ST8SIA4: variants seen among roughly 807,000 people sequenced by gnomAD.
The protein encoded by ST8SIA4 is ST8 alpha-N-acetyl-neuraminide alpha-2,8-sialyltransferase 4.
In ST8SIA4, 15 loss-of-function variants were observed where a neutral mutation model predicts 33.9. The ratio of observed to expected loss-of-function variants is 0.44; its 90% CI spans 0.30 to 0.68. ST8SIA4 has a LOEUF of 0.68. Among genes scored for constraint, ST8SIA4 ranks in the 30% least tolerant of loss-of-function variants. ST8SIA4 has a pLI of 0.10. For synonymous variants in ST8SIA4, 171 were observed against 151.2 expected, an observed-to-expected ratio of 1.13 and a Z score of -0.96; for missense variants, 321 against 428.0, an observed-to-expected ratio of 0.75 and a Z score of 2.21.
At chr5:100,900,632 G>A (rs987799085) in intron 1 of ST8SIA4, among the ~76,000 whole-genome samples, 6 of 152,120 alleles carry the variant, frequency 3.9e-5, no homozygotes, top group Non-Finnish European at 8.8e-5. Context: ...AAGGCAGTCA[G>A]GACGCTACAG....
At position 100,837,991 on chromosome 5, in the gene ST8SIA4, A is replaced by G. The variant is rs1751397216; in HGVS notation, c.797+18112T>C. On this transcript the variant is annotated intron_variant, in intron 4 of 4. Transcript: ENST00000231461. ...TGAGAGTGTCTGAATCAATTACCAT[A>G]TATGTTTATACTTCATTCTACTCTC... is the stretch of plus-strand genomic sequence containing the variant. Among the ~76,000 whole-genome samples the G allele has an allele frequency of 2.6e-5, 4 of 152,034 alleles. 1 individual carries two copies. In the South Asian group the frequency reaches 8.3e-4, roughly 32 times the overall value.
chr5:100,878,884 A>G (rs544179138), intron 3 of ST8SIA4, among the ~76,000 whole-genome samples: 1 of 152,292 alleles, frequency 6.6e-6, no homozygotes, highest in African/African-American at 2.4e-5. Flanking sequence ...TTGTTGTAGA[A>G]TGTTGTAGAT....
At chr5:100,895,613 A>C in intron 2 of ST8SIA4, 41 bp downstream of exon 2, 1 of 1,586,120 alleles carries the variant, frequency 6.3e-7, no homozygotes. Flanking sequence ...GTATTTGAGA[A>C]CATGATGTGA....
At chr5:100,866,317 T>C (rs909957142) in intron 3 of ST8SIA4, among the ~76,000 whole-genome samples, 4 of 152,108 alleles carry the variant, frequency 2.6e-5, no homozygotes, top group African/African-American at 7.2e-5. Context: ...AGAAATAAGA[T>C]ATGTAAAATA....
Position 100,809,602 on chromosome 5 carries a change from G to T in ST8SIA4, c.*2245C>A, listed in dbSNP as rs915449863. 6.6e-6 allele frequency: 1 copy of T among 152,004 alleles called. No homozygotes were observed. Among genetic ancestry groups the T allele is most frequent in the African/African-American group, 2.4e-5 (1 of 41,382 alleles). The allele number at this position is 152,004 out of a possible 1,614,324, so 9.4% of individuals were successfully genotyped here. Reference sequence around the variant, plus strand: ...GCTTGTGACTTCTAGATTTCTGTTGGATTTAAACTAAAGGCTACTAGAATA... The same window carrying T: ...GCTTGTGACTTCTAGATTTCTGTTGTATTTAAACTAAAGGCTACTAGAATA... On this transcript the variant is annotated 3_prime_UTR_variant, in exon 5 of 5. Coordinates refer to ENST00000231461, the MANE Select transcript of ST8SIA4 (RefSeq NM_005668.6).
At chr5:100,858,955 G>A (rs994649880) in intron 3 of ST8SIA4, among the ~76,000 whole-genome samples, 2 of 152,012 alleles carry the variant, frequency 1.3e-5, no homozygotes, top group Non-Finnish European at 2.9e-5. Context: ...TTTTCCTGGG[G>A]AAGAATATAT....
At chr5:100,839,467 T>C (rs1751430924) in intron 4 of ST8SIA4, among the ~76,000 whole-genome samples, 1 of 151,956 alleles carries the variant, frequency 6.6e-6, no homozygotes, top group African/African-American at 2.4e-5. Context: ...AAAATAACCA[T>C]TGAAATCCTA....
Position 100,842,743 on chromosome 5 carries a change from T to C in ST8SIA4, c.797+13360A>G, listed in dbSNP as rs150803971. ...TTTGAATAAAATGCAGAATCAGAAC[T>C]TTAGCTGCAAGTAATGATTTTACTT... On this transcript the variant is annotated intron_variant, in intron 4 of 4. Transcript: ENST00000231461. Among the ~76,000 whole-genome samples the C allele has an allele frequency of 8.0e-3, 1,220 of 151,942 alleles. 8 individuals are homozygous for C. The highest frequency in any genetic ancestry group is 0.022 in the African/African-American group (930 of 41,530).
chr5:100,831,449 A>T (rs1190736889), intron 4 of ST8SIA4, among the ~76,000 whole-genome samples: 1 of 152,156 alleles, frequency 6.6e-6, no homozygotes, highest in Admixed American at 6.6e-5. Context: ...CAATTCTAAA[A>T]CTTCCCACCT....
intron 2 of ST8SIA4, among the ~76,000 whole-genome samples, chr5:100,888,011 T>A (rs1752578178): frequency 6.6e-6 from 1 of 151,900 alleles, no homozygotes; most frequent in Non-Finnish European, 1.5e-5. Flanking sequence ...TGCCTTCCCA[T>A]ATAAGTCCAT....
chr5:100,823,627 C>A (rs1305514061), intron 4 of ST8SIA4, among the ~76,000 whole-genome samples: 2 of 152,070 alleles, frequency 1.3e-5, no homozygotes, highest in Non-Finnish European at 2.9e-5. Flanking sequence ...AATTATACAA[C>A]CAGGAATTTA....
intron 4 of ST8SIA4, among the ~76,000 whole-genome samples, chr5:100,851,208 G>T (rs1043605583): frequency 6.6e-6 from 1 of 151,504 alleles, no homozygotes; most frequent in Non-Finnish European, 1.5e-5. Context: ...TGATCCACCC[G>T]CCTCGGCCTC....
chr5:100,837,030 A>ACACACACACACC (rs1491491812), intron 4 of ST8SIA4, among the ~76,000 whole-genome samples: 2 of 139,942 alleles, frequency 1.4e-5, no homozygotes, highest in African/African-American at 5.1e-5. Context: ...ACACACACAC[A>ACACACACACACC]CCGTAATACC....
chr5:100,860,137 C>A (rs1049846622), intron 3 of ST8SIA4, among the ~76,000 whole-genome samples: 6 of 152,132 alleles, frequency 3.9e-5, no homozygotes, highest in Non-Finnish European at 8.8e-5. Context: ...TCCTTTCACA[C>A]ACCCAACAGA....
In ST8SIA4 at chr5:100,885,613, A is replaced by C. The variant is rs913622386; in HGVS notation, c.503+730T>G. The C allele has an allele frequency of 2.1e-5, 20 of 934,076 alleles. No individual in the cohort carries two copies. In the African/African-American group the frequency reaches 3.4e-4, roughly 16 times the overall value. The allele number at this position is 934,076 out of a possible 1,614,324, so 57.9% of individuals were successfully genotyped here. Reference sequence around the variant, plus strand: ...TTTAGCTAATTTTTCTAAGGAACTAAAACAATCCAAAAAAACTGTACAGAT... The same window carrying C: ...TTTAGCTAATTTTTCTAAGGAACTACAACAATCCAAAAAAACTGTACAGAT... On this transcript the variant is annotated intron_variant, in intron 3 of 4. Coordinates refer to ENST00000231461, the MANE Select transcript of ST8SIA4 (RefSeq NM_005668.6).
At chr5:100,837,715 T>C (rs1751391923) in intron 4 of ST8SIA4, among the ~76,000 whole-genome samples, 1 of 152,002 alleles carries the variant, frequency 6.6e-6, no homozygotes, top group African/African-American at 2.4e-5. Flanking sequence ...CACTTTGTTT[T>C]CCCAGAGAGT....
At chr5:100,901,561 A>G (rs1447068970) in intron 1 of ST8SIA4, among the ~76,000 whole-genome samples, 1 of 152,178 alleles carries the variant, frequency 6.6e-6, no homozygotes, top group East Asian at 1.9e-4. Flanking sequence ...AGTCTTGTGT[A>G]AACGACCTCA....
At chr5:100,880,142 T>G (rs1270426371) in intron 3 of ST8SIA4, among the ~76,000 whole-genome samples, 1 of 152,114 alleles carries the variant, frequency 6.6e-6, no homozygotes, top group Admixed American at 6.6e-5. Flanking sequence ...TCTTACTACA[T>G]GCCTTCTTGC....
chr5:100,833,784 C>G (rs1490989999), intron 4 of ST8SIA4, among the ~76,000 whole-genome samples: 1 of 152,124 alleles, frequency 6.6e-6, no homozygotes, highest in Non-Finnish European at 1.5e-5. Context: ...ATTTCATCAG[C>G]AGGCCTTTTT....
Sources: allele counts gnomAD v4.1 joint callset (sites outside exome capture counted in the v4.1 genomes callset), GRCh38; gene constraint gnomAD v4.1.1; transcripts MANE v1.5; gene names NCBI Gene and HGNC (gene_info 2026-07-23, HGNC 2026-07-21).